Variants in PCSK9 observed in about 807,000 individuals in gnomAD.
The protein encoded by PCSK9 is proprotein convertase subtilisin/kexin type 9, also known as convertase subtilisin/kexin type 9 preproprotein.
In PCSK9, 57 loss-of-function variants were observed where a neutral mutation model predicts 62.1. That is an observed-to-expected ratio of 0.92 (90% CI 0.74 to 1.14). The LOEUF (loss-of-function observed/expected upper bound fraction) is 1.14, where lower values mean the gene tolerates loss of function less well. Among genes scored for constraint, PCSK9 ranks in the 50% most tolerant of loss-of-function variants. The pLI, the probability that PCSK9 is intolerant of heterozygous loss-of-function variation, is 0.00. For synonymous variants in PCSK9, 387 were observed against 409.4 expected (o/e 0.95, Z 0.66); for missense variants, 870 against 959.8 (o/e 0.91, Z 1.24).
Position 55,039,671 on chromosome 1 carries a change from G to GGCTCCCA in PCSK9, c.-157_-151dup. 1 of 777,366 alleles carries GGCTCCCA rather than the reference G, an allele frequency of 1.3e-6. No individual in the cohort carries two copies. Among genetic ancestry groups the GGCTCCCA allele is most frequent in the Non-Finnish European group, 2.0e-6 (1 of 489,452 alleles). 48.2% of individuals were successfully genotyped at this position (777,366 alleles called of 1,614,324 possible). Reference sequence around the variant, plus strand: ...GGCCGGGACGCGTCGTTGCAGCAGCGGCTCCCAGCTCCCAGCCAGGATTCC... The same window carrying GGCTCCCA: ...GGCCGGGACGCGTCGTTGCAGCAGCGGCTCCCAGCTCCCAGCTCCCAGCCAGGATTCC... On this transcript the variant is annotated 5_prime_UTR_variant, in exon 1 of 12. Transcript: ENST00000302118.
chr1:55,058,721 G>GGGACCCCC, intron 9 of PCSK9, 74 bp downstream of exon 9: 1 of 1,541,626 alleles, frequency 6.5e-7, no homozygotes, highest in East Asian at 2.5e-5. Context: ...GTGTGTGTCA[G>GGGACCCCC]TGCTGGGCCC....
Position 55,040,784 on chromosome 1 carries a change from C to T in PCSK9, c.207+740C>T, listed in dbSNP as rs1644593000. Among the ~76,000 whole-genome samples the T allele has an allele frequency of 6.6e-6, 1 of 152,216 alleles. No homozygotes were observed. Among genetic ancestry groups the T allele is most frequent in the Admixed American group, 6.5e-5 (1 of 15,286 alleles). On this transcript the variant is annotated intron_variant, in intron 1 of 11. Transcript: ENST00000302118. This position sits in a 1 kb window ranked among gnomAD's most constrained non-coding sequence, Gnocchi z 4.1. Reference sequence around the variant, plus strand: ...GGTGGTGCGCCTGGTACTGGGACCCCGGAGCTGAGCCCGGCGCCTCAGCCC... The same window carrying T: ...GGTGGTGCGCCTGGTACTGGGACCCTGGAGCTGAGCCCGGCGCCTCAGCCC...
rs1307418122 is a variant in PCSK9, at chr1:55,052,310, G to C, written c.556G>C (p.Asp186His). 8.7e-6 allele frequency: 14 copies of C among 1,613,996 alleles called. No homozygotes were observed. Among genetic ancestry groups the C allele is most frequent in the Non-Finnish European group, 1.2e-5 (14 of 1,180,030 alleles). ...CAGCCTGGTGGAGGTGTATCTCCTAGACACCAGCATACAGAGTGACCACCG... is the reference window on the plus strand; with the variant it reads ...CAGCCTGGTGGAGGTGTATCTCCTACACACCAGCATACAGAGTGACCACCG... ...GGSLVEVYLL[D>H]TSIQSDHREI... is the part of the protein sequence containing the mutation. The change falls in exon 4 of 12, where the codon GAC (aspartate) becomes CAC (histidine). Residue 186 changes from aspartate to histidine, a missense_variant. Asp to His is a moderately conservative substitution (Grantham distance 81). Transcript: ENST00000302118.
rs1299375629 is a variant in PCSK9 at position 55,040,034 on chromosome 1, G to A, written c.197G>A (p.Arg66His). 17 of 1,567,128 alleles carry A rather than the reference G, an allele frequency of 1.1e-5. No individual in the cohort carries two copies. In the South Asian group the frequency reaches 1.9e-4, roughly 17 times the overall value. ...PEHGTTATFH[R>H]CAKDPWRLPG... ...CACGGAACCACAGCCACCTTCCACC[G>A]CTGCGCCAAGGTGCGGGTGTAGGGA... Residue 66 changes from arginine to histidine, a missense_variant, in exon 1 of 12, where the codon CGC (arginine) becomes CAC (histidine). Arg to His is a conservative substitution (Grantham distance 29). Transcript: ENST00000302118. This position sits in a 1 kb window ranked among gnomAD's most constrained non-coding sequence, Gnocchi z 4.1.
chr1:55,048,539 A>G (rs1165153819), intron 3 of PCSK9, among the ~76,000 whole-genome samples: 1 of 152,132 alleles, frequency 6.6e-6, no homozygotes, highest in Non-Finnish European at 1.5e-5. Flanking sequence ...AATGGCAGGC[A>G]GGGGTGTGGA....
At chr1:55,062,717 G>A (rs1644770184) in intron 11 of PCSK9, among the ~76,000 whole-genome samples, 1 of 152,180 alleles carries the variant, frequency 6.6e-6, no homozygotes, top group Non-Finnish European at 1.5e-5. Context: ...ATGAGATGGG[G>A]GGTGCCTCAG....
chr1:55,052,701 C>T lies in PCSK9; in HGVS notation c.709C>T (p.Arg237Trp), dbSNP rs148195424. Residue 237 changes from arginine to tryptophan, a missense_variant, in exon 5 of 12, where the codon CGG (arginine) becomes TGG (tryptophan). Physicochemically the swap from Arg to Trp is moderately radical, Grantham distance 101. Transcript: ENST00000302118. ...CCACCTGGCAGGGGTGGTCAGCGGC[C>T]GGGATGCCGGCGTGGCCAAGGGTGC... is the stretch of plus-strand genomic sequence containing the variant. Reference protein sequence around the residue: ...GTHLAGVVSGRDAGVAKGASM... With the variant: ...GTHLAGVVSGWDAGVAKGASM... 1.1e-3 allele frequency: 1,719 copies of T among 1,613,120 alleles called. No individual in the cohort carries two copies. Among genetic ancestry groups the T allele is most frequent in the Non-Finnish European group, 1.3e-3 (1,527 of 1,179,940 alleles).
chr1:55,059,574 A>C lies in PCSK9; in HGVS notation c.1592A>C (p.Gln531Pro). The C allele has an allele frequency of 6.4e-7, 1 of 1,555,096 alleles. No individual in the cohort carries two copies. The change falls in exon 10 of 12, where the codon CAG becomes CCG. Residue 531 changes from glutamine (Q) to proline (P), a missense_variant. Gln to Pro is a moderately conservative substitution (Grantham distance 76). Transcript: ENST00000302118. ...YAIARCCLLP[Q>P]ANCSVHTAPP... ...ATTGCCAGGTGCTGCCTGCTACCCC[A>C]GGCCAACTGCAGCGTCCACACAGCT...
At chr1:55,044,558 G>A (rs1212291939) in intron 2 of PCSK9, among the ~76,000 whole-genome samples, 1 of 152,076 alleles carries the variant, frequency 6.6e-6, no homozygotes, top group Non-Finnish European at 1.5e-5. Flanking sequence ...AGGGGACTGG[G>A]TATTCTCCTC....
rs756179144 is a variant in PCSK9 at position 55,059,761 on chromosome 1, A to T, written c.1681+98A>T. 7.0e-6 allele frequency: 10 copies of T among 1,434,800 alleles called. No individual in the cohort carries two copies. The South Asian group carries it at 1.3e-4, about 19-fold the overall frequency. 88.9% of individuals were successfully genotyped at this position (1,434,800 alleles called of 1,614,324 possible). On this transcript the variant is annotated intron_variant, in intron 10 of 11. Coordinates refer to ENST00000302118, the MANE Select transcript of PCSK9 (RefSeq NM_174936.4). ...GGTCCTCACAAGTGTGATCCATGAG[A>T]CTCAAGCCTGACTTGCAGTTCCATA... is the stretch of plus-strand genomic sequence containing the variant.
At chr1:55,062,927 G>A (rs1290410973) in intron 11 of PCSK9, among the ~76,000 whole-genome samples, 1 of 152,126 alleles carries the variant, frequency 6.6e-6, no homozygotes, top group Non-Finnish European at 1.5e-5. Flanking sequence ...GAGGGTCCAG[G>A]CGTTGGGGCG....
At chr1:55,057,887 G>A in intron 7 of PCSK9, 149 bp from the exon 8 acceptor site, 2 of 1,102,872 alleles carry the variant, frequency 1.8e-6, no homozygotes, top group Non-Finnish European at 2.7e-6. Flanking sequence ...AGTAAGGACT[G>A]CAGGCGGCTT....
chr1:55,044,089 T>C, intron 2 of PCSK9, 55 bp downstream of exon 2: 1 of 1,586,534 alleles, frequency 6.3e-7, no homozygotes, highest in Non-Finnish European at 8.6e-7. Flanking sequence ...CCACTGCATA[T>C]ACACTGGGGA....
chr1:55,057,560 C>T (rs1012953772), intron 7 of PCSK9, 46 bp downstream of exon 7: 3 of 1,566,738 alleles, frequency 1.9e-6, no homozygotes, highest in African/African-American at 2.7e-5. Flanking sequence ...GCTAACAGCC[C>T]CTTTGGCAGT....
At chr1:55,050,168 G>A (rs1309900133) in intron 3 of PCSK9, among the ~76,000 whole-genome samples, 1 of 152,208 alleles carries the variant, frequency 6.6e-6, no homozygotes, top group African/African-American at 2.4e-5. Flanking sequence ...AAGCTCTGAG[G>A]GAAAACCTTG....
intron 5 of PCSK9, among the ~76,000 whole-genome samples, chr1:55,055,213 C>T (rs1036204661): frequency 1.6e-4 from 25 of 152,196 alleles, no homozygotes; most frequent in East Asian, 5.8e-4. Flanking sequence ...TCACAGAGGG[C>T]GGGGCCACAC....
At chr1:55,063,052 T>G (rs568138865) in intron 11 of PCSK9, among the ~76,000 whole-genome samples, 112 of 151,806 alleles carry the variant, frequency 7.4e-4, no homozygotes, top group African/African-American at 2.5e-3. Context: ...TGCCATTAAG[T>G]GGGATGGGGC....
rs759388119 is a variant in PCSK9 at position 55,056,098 on chromosome 1, A to G, written c.905A>G (p.Gln302Arg). The change falls in exon 6 of 12, where the codon CAG (glutamine) becomes CGG (arginine). Residue 302 changes from glutamine to arginine, a missense_variant. Coordinates refer to ENST00000302118, the MANE Select transcript of PCSK9 (RefSeq NM_174936.4). ...AGCCGCGTCCTCAACGCCGCCTGCC[A>G]GCGCCTGGCGAGGGCTGGGGTCGTG... is the stretch of plus-strand genomic sequence containing the variant. ...GYSRVLNAAC[Q>R]RLARAGVVLV... The G allele has an allele frequency of 3.1e-6, 5 of 1,589,146 alleles. No individual in the cohort carries two copies. In the East Asian group the frequency reaches 1.1e-4, roughly 36 times the overall value.
At chr1:55,055,947 G>C (rs777165252) in intron 5 of PCSK9, 46 bp from the exon 6 acceptor site, 1 of 1,531,236 alleles carries the variant, frequency 6.5e-7, no homozygotes, top group South Asian at 1.2e-5. Flanking sequence ...GCTGGGAAAG[G>C]GGAGCAGGTC....
Sources: gnomAD v4.1 joint callset for allele counts (sites outside exome capture counted in the v4.1 genomes callset) on GRCh38, gnomAD v4.1.1 for gene constraint, Gnocchi (gnomAD v3.1) non-coding constraint, MANE v1.5 for transcripts, NCBI Gene and HGNC (gene_info 2026-07-23, HGNC 2026-07-21) for gene names.